POLR1B: variants seen among roughly 807,000 people sequenced by gnomAD.
The protein encoded by POLR1B is RNA polymerase I subunit B.
POLR1B carries 30 observed loss-of-function variants against 105.8 expected under a neutral mutation model. The observed-to-expected ratio is 0.28, with a 90% CI of 0.21 to 0.38. POLR1B has a LOEUF of 0.38. POLR1B is among the 10% of genes least tolerant of loss of function. POLR1B has a pLI of 1.00. For synonymous variants in POLR1B, 485 were observed against 505.1 expected, an observed-to-expected ratio of 0.96 and a Z score of 0.53; for missense variants, 976 against 1,435.8, an observed-to-expected ratio of 0.68 and a Z score of 5.17.
intron 7 of POLR1B, chr2:112,554,634 A>G (rs1558657027): frequency 6.6e-6 from 1 of 152,178 alleles, no homozygotes; most frequent in African/African-American, 2.4e-5. Flanking sequence ...AGTAAAGGTT[A>G]ATTTACATTT....
At chr2:112,542,695 C>A (rs1682821657) in intron 1 of POLR1B, 24 bp downstream of exon 1, 3 of 1,609,228 alleles carry the variant, frequency 1.9e-6, no homozygotes, top group African/African-American at 1.3e-5. Context: ...CCGCCGGCGC[C>A]CTTGCCGCGG....
At chr2:112,565,676 C>T (rs542720948) in intron 10 of POLR1B, among the ~76,000 whole-genome samples, 30 of 152,160 alleles carry the variant, frequency 2.0e-4, no homozygotes, top group Admixed American at 4.6e-4. Context: ...CCTCCCACCT[C>T]AGCTTGCCAA....
rs763443168 is a variant in POLR1B, at chr2:112,572,661, C to A, written c.2174C>A (p.Ser725Tyr). ...QTPQSPLVRP[S>Y]MYDYYDMDNY... ...CCTCAGAGTCCCTTGGTGAGACCCT[C>A]CATGTATGATTATTATGACATGGAT... Residue 725 changes from serine (S) to tyrosine (Y), a missense_variant, in exon 13 of 15, where the codon TCC (serine) becomes TAC (tyrosine). By Grantham distance (144) the Ser-to-Tyr change is moderately radical. Around this residue, in one of 12 missense-constraint regions of POLR1B, gnomAD observed 46 missense variants for 66.8 expected, o/e 0.69. Coordinates refer to ENST00000263331, the MANE Select transcript of POLR1B (RefSeq NM_019014.6). 6.2e-6 allele frequency: 10 copies of A among 1,613,380 alleles called. No individual in the cohort carries two copies. The Admixed American group carries it at 1.7e-4, about 27-fold the overall frequency.
In POLR1B at chr2:112,575,213, G is replaced by T; in HGVS notation, c.2892G>T (p.Glu964Asp). The T allele has an allele frequency of 6.2e-7, 1 of 1,614,144 alleles. No individual in the cohort carries two copies. The highest frequency in any genetic ancestry group is 1.3e-5 in the African/African-American group (1 of 75,028). ...ACTCGGCCTTAGAATACTTTGGTGA[G>T]ATGTTAAAGGCTGCTGGCTACAATT... ...EENSALEYFGEMLKAAGYNFY... is the reference protein window; with the variant it reads ...EENSALEYFGDMLKAAGYNFY... The change falls in exon 15 of 15, where the codon GAG becomes GAT. Residue 964 changes from glutamate (E) to aspartate (D), a missense_variant. Glu to Asp is a conservative substitution (Grantham distance 45). This residue lies in a region of POLR1B where 40 missense variants were observed against 49.6 expected (regional missense o/e 0.81). Coordinates refer to ENST00000263331, the MANE Select transcript of POLR1B (RefSeq NM_019014.6). The surrounding 1 kb of genome is among the most constrained non-coding windows in gnomAD (Gnocchi z 5.3).
At chr2:112,571,112 C>T (rs1386253632) in intron 12 of POLR1B, among the ~76,000 whole-genome samples, 2 of 152,044 alleles carry the variant, frequency 1.3e-5, no homozygotes, top group South Asian at 2.1e-4. Context: ...TTTCTTTCTT[C>T]TCTAAGATTT....
intron 13 of POLR1B, 140 bp downstream of exon 13, chr2:112,572,898 T>C: frequency 1.4e-6 from 1 of 690,040 alleles, no homozygotes; most frequent in East Asian, 2.9e-5. Flanking sequence ...GATTAGTTCT[T>C]AGTCTAAGTT....
chr2:112,547,908 G>A (rs996457541), intron 3 of POLR1B, among the ~76,000 whole-genome samples: 1 of 151,722 alleles, frequency 6.6e-6, no homozygotes, highest in Non-Finnish European at 1.5e-5. Flanking sequence ...ATTTATCTGG[G>A]CATGGTGGTG....
At position 112,549,520 on chromosome 2, in the gene POLR1B, AGGGATGGGGT is replaced by A. The variant is rs1574095003; in HGVS notation, c.625+122_625+131del. On this transcript the variant is annotated intron_variant, in intron 4 of 14. Transcript: ENST00000263331. ...GTTTCTTTTTTTTTTTTTTTTTGGT[AGGGATGGGGT>A]TTCACCACGTTGCCCAGGCTGATCT... The A allele has an allele frequency of 1.4e-5, 10 of 725,466 alleles. No homozygotes were observed. In the East Asian group the frequency reaches 3.4e-4, roughly 25 times the overall value. 44.9% of individuals were successfully genotyped at this position (725,466 alleles called of 1,614,324 possible).
Position 112,577,831 on chromosome 2 carries a change from C to CAAAA in POLR1B, c.*2120_*2123dup, listed in dbSNP as rs3980076. On this transcript the variant is annotated 3_prime_UTR_variant, in exon 15 of 15. Transcript: ENST00000263331. ...TGGGCGACAGAATGAGACCCTGTCT[C>CAAAA]AAAAAAAAAAAAAAAAAAAAAGCGG... is the stretch of plus-strand genomic sequence containing the variant. Among the ~76,000 whole-genome samples the CAAAA allele has an allele frequency of 1.0e-5, 1 of 100,306 alleles. No individual in the cohort carries two copies. The highest frequency in any genetic ancestry group is 3.8e-5 in the African/African-American group (1 of 26,196). 65.8% of individuals were successfully genotyped at this position (100,306 alleles called of 152,430 possible).
At chr2:112,574,721 C>G (rs1435991614) in intron 14 of POLR1B, 126 bp from the exon 15 acceptor site, 2 of 709,098 alleles carry the variant, frequency 2.8e-6, no homozygotes, top group Non-Finnish European at 4.0e-6. Flanking sequence ...GACCCTGTAT[C>G]ATAAAAAAAA....
chr2:112,566,770 T>TGC (rs1332472276), intron 10 of POLR1B, among the ~76,000 whole-genome samples: 2 of 151,588 alleles, frequency 1.3e-5, no homozygotes, highest in Non-Finnish European at 2.9e-5. Context: ...TCTCGCTCTG[T>TGC]CGCCCAGGCT....
rs2104587874 is a variant in POLR1B at position 112,576,848 on chromosome 2, AC to A, written c.*1120del. 1 of 152,348 alleles carries A rather than the reference AC, an allele frequency of 6.6e-6. No homozygotes were observed. The highest frequency in any genetic ancestry group is 1.5e-5 in the Non-Finnish European group (1 of 68,040). The allele number at this position is 152,348 out of a possible 1,614,324, so 9.4% of individuals were successfully genotyped here. A position where few individuals can be genotyped will look rare whatever the true frequency, so the allele number is the denominator to read the frequency against. ...AGTGCTAGGATTACAGGTGTGAGCC[AC>A]TGTGCCTGGCCTCCGGTGAGTATTT... is the stretch of plus-strand genomic sequence containing the variant. On this transcript the variant is annotated 3_prime_UTR_variant, in exon 15 of 15. Transcript: ENST00000263331.
At chr2:112,572,298 A>T (rs750212031) in intron 12 of POLR1B, among the ~76,000 whole-genome samples, 8 of 152,198 alleles carry the variant, frequency 5.3e-5, no homozygotes, top group Non-Finnish European at 1.0e-4. Context: ...GGTGTGTTGC[A>T]AATACACATA....
intron 7 of POLR1B, among the ~76,000 whole-genome samples, chr2:112,554,263 T>G (rs187744282): frequency 6.6e-6 from 1 of 152,008 alleles, no homozygotes; most frequent in Non-Finnish European, 1.5e-5. Context: ...CTCCCGGGTA[T>G]CTAGGATTAC....
intron 9 of POLR1B, 134 bp from the exon 10 acceptor site, chr2:112,564,232 G>A (rs1684161122): frequency 1.9e-6 from 2 of 1,049,470 alleles, no homozygotes; most frequent in East Asian, 5.0e-5. Flanking sequence ...AAGAAATAAT[G>A]CCTGTACCTG....
intron 7 of POLR1B, among the ~76,000 whole-genome samples, chr2:112,554,074 T>A (rs749760275): frequency 6.7e-6 from 1 of 149,190 alleles, no homozygotes; most frequent in Non-Finnish European, 1.5e-5. Context: ...GTGATCCACC[T>A]GCCTCAGCCT....
At chr2:112,566,282 C>T (rs766027462) in intron 10 of POLR1B, among the ~76,000 whole-genome samples, 24 of 152,178 alleles carry the variant, frequency 1.6e-4, no homozygotes, top group Non-Finnish European at 2.9e-4. Flanking sequence ...TGTACAGTTT[C>T]TGTTTTTCTC....
chr2:112,567,768 C>T (rs902213745), intron 10 of POLR1B, among the ~76,000 whole-genome samples, 199 bp from the exon 11 acceptor site: 6 of 152,126 alleles, frequency 3.9e-5, no homozygotes, highest in Admixed American at 6.6e-5. Context: ...TTTAGTGTAT[C>T]GACACGTGCA....
chr2:112,574,635 T>C (rs1684765741), intron 14 of POLR1B, among the ~76,000 whole-genome samples: 1 of 150,890 alleles, frequency 6.6e-6, no homozygotes, highest in Non-Finnish European at 1.5e-5. Flanking sequence ...GGTGGGAGGA[T>C]TGCTTGAACC....
Sources: gnomAD v4.1 joint callset for allele counts (sites outside exome capture counted in the v4.1 genomes callset) on GRCh38, gnomAD v4.1.1 for gene constraint, gnomAD v4.1.1 regional missense constraint, Gnocchi (gnomAD v3.1) non-coding constraint, MANE v1.5 for transcripts, NCBI Gene and HGNC (gene_info 2026-07-23, HGNC 2026-07-21) for gene names.